The following MEF2A variants were observed in gnomAD, a reference collection of about 807,000 sequenced individuals.
MEF2A encodes myocyte enhancer factor 2A, also known as myocyte-specific enhancer factor 2A.
A neutral mutation model predicts 55.8 loss-of-function variants in MEF2A; 28 were observed. The observed-to-expected ratio is 0.50, with a 90% CI of 0.37 to 0.69. The LOEUF (loss-of-function observed/expected upper bound fraction) is 0.69. Ranked by LOEUF, MEF2A falls within the 30% of genes least tolerant of loss-of-function variation. MEF2A has a pLI of 0.00. For missense variants in MEF2A, 528 were observed against 626.2 expected, an observed-to-expected ratio of 0.84 and a Z score of 1.67; for synonymous variants, 239 against 227.1, an observed-to-expected ratio of 1.05 and a Z score of -0.47.
intron 10 of MEF2A, among the ~76,000 whole-genome samples, chr15:99,709,433 C>T (rs141571176): frequency 1.4e-3 from 216 of 152,248 alleles, no homozygotes; most frequent in Non-Finnish European, 2.3e-3. Context: ...ATCTAGAGGT[C>T]GAAGGAGACT....
intron 4 of MEF2A, among the ~76,000 whole-genome samples, chr15:99,665,118 TTAAC>T (rs1347933370): frequency 6.6e-6 from 1 of 152,210 alleles, no homozygotes; most frequent in Non-Finnish European, 1.5e-5. Context: ...TTTCTATAAG[TTAAC>T]TAATGTCCAT....
In MEF2A at chr15:99,593,344, C is replaced by T. The variant is rs138040000; in HGVS notation, c.-224-5086C>T. On this transcript the variant is annotated intron_variant, in intron 1 of 11. Coordinates refer to ENST00000557942, the MANE Select transcript of MEF2A (RefSeq NM_001319206.4). ...ACACTTTCCCTTTTTCCAGGCCTCACAGTGCGGGGCTGTTCATTGTCTGAT... is the reference window on the plus strand; with the variant it reads ...ACACTTTCCCTTTTTCCAGGCCTCATAGTGCGGGGCTGTTCATTGTCTGAT... 1.8e-3 allele frequency among the ~76,000 whole-genome samples: 267 copies of T among 152,274 alleles called. 1 individual carries two copies. Among genetic ancestry groups the T allele is most frequent in the African/African-American group, 6.0e-3 (248 of 41,562 alleles).
intron 7 of MEF2A, among the ~76,000 whole-genome samples, chr15:99,679,245 G>C (rs111664610): frequency 1.2e-4 from 18 of 152,202 alleles, no homozygotes; most frequent in Admixed American, 3.3e-4. Context: ...AAATGCATTT[G>C]TGCATCACGA....
intron 2 of MEF2A, among the ~76,000 whole-genome samples, chr15:99,608,510 A>G (rs1002013512): frequency 2.0e-5 from 3 of 152,348 alleles, no homozygotes; most frequent in Admixed American, 2.0e-4. Context: ...ACCATGTTTT[A>G]GATTTTTAGA....
intron 1 of MEF2A, among the ~76,000 whole-genome samples, chr15:99,578,809 A>G (rs1051433924): frequency 1.3e-5 from 2 of 152,260 alleles, no homozygotes; most frequent in Admixed American, 6.5e-5. Flanking sequence ...TCACTGACAC[A>G]GTAAAAGAAA....
intron 7 of MEF2A, among the ~76,000 whole-genome samples, chr15:99,688,837 T>C (rs1280462721): frequency 6.6e-6 from 1 of 152,152 alleles, no homozygotes; most frequent in African/African-American, 2.4e-5. Flanking sequence ...CTGATAATCA[T>C]GGAAGAGTTG....
chr15:99,643,827 G>A (rs754100803), intron 3 of MEF2A, among the ~76,000 whole-genome samples: 17 of 152,094 alleles, frequency 1.1e-4, no homozygotes, highest in Non-Finnish European at 2.1e-4. Context: ...TCCTGAGCTC[G>A]TGATTCGCCT....
At chr15:99,613,052 C>G (rs1195531795) in intron 2 of MEF2A, among the ~76,000 whole-genome samples, 1 of 152,146 alleles carries the variant, frequency 6.6e-6, no homozygotes, top group Admixed American at 6.6e-5. Flanking sequence ...GGACTTGATT[C>G]ATTTGTATGA....
intron 2 of MEF2A, among the ~76,000 whole-genome samples, chr15:99,612,829 T>G (rs1183417602): frequency 6.6e-6 from 1 of 152,170 alleles, no homozygotes; most frequent in East Asian, 1.9e-4. Context: ...AGAATGTATG[T>G]TCTCCCTACT....
At chr15:99,573,505 T>C (rs557299973) in intron 1 of MEF2A, among the ~76,000 whole-genome samples, 1 of 152,360 alleles carries the variant, frequency 6.6e-6, no homozygotes, top group African/African-American at 2.4e-5. Flanking sequence ...TTTGCTTTCT[T>C]GCTGGGCACT....
Position 99,711,972 on chromosome 15 carries a change from G to C in MEF2A, c.1137-418G>C, listed in dbSNP as rs568047307. On this transcript the variant is annotated intron_variant, in intron 11 of 11. Transcript: ENST00000557942. ...GGGATGGTGCGACTTGCACCTTAGA[G>C]GTGTTGCGAGGATGAGCGATGTTGT... Among the ~76,000 whole-genome samples the C allele has an allele frequency of 8.5e-4, 130 of 152,328 alleles. 4 individuals are homozygous for C. In the South Asian group the frequency reaches 0.026, roughly 31 times the overall value.
At chr15:99,606,364 G>C (rs1465579577) in intron 2 of MEF2A, among the ~76,000 whole-genome samples, 1 of 151,552 alleles carries the variant, frequency 6.6e-6, no homozygotes, top group African/African-American at 2.4e-5. Flanking sequence ...AAATCAAAAC[G>C]GCAAGTATTA....
chr15:99,706,691 C>G, intron 9 of MEF2A, 38 bp from the exon 10 acceptor site: 2 of 1,602,966 alleles, frequency 1.2e-6, no homozygotes, highest in African/African-American at 1.3e-5. Flanking sequence ...AACATAAATA[C>G]CACATCAGAA....
intron 8 of MEF2A, among the ~76,000 whole-genome samples, chr15:99,697,351 CA>C (rs995287704): frequency 1.7e-4 from 25 of 151,446 alleles, no homozygotes; most frequent in African/African-American, 6.1e-4. Flanking sequence ...AAAGAAATTA[CA>C]AAAAAAACTC....
intron 5 of MEF2A, among the ~76,000 whole-genome samples, chr15:99,674,163 C>T (rs984535622): frequency 2.0e-5 from 3 of 152,050 alleles, no homozygotes; most frequent in Non-Finnish European, 2.9e-5. Flanking sequence ...AGAATATAGA[C>T]ATTAGTATAT....
In MEF2A at chr15:99,645,674, A is replaced by G. The variant is rs200687749; in HGVS notation, c.168A>G (p.Gln56=). The part of the protein sequence containing the change: ...IIFNSSNKLF[Q]YASTDMDKVL... ...TCAACAGCTCTAACAAACTGTTTCA[A>G]TATGCTAGCACTGATATGGACAAAG... The change falls in exon 4 of 12, where the codon CAA becomes CAG. Residue 56 remains glutamine, a synonymous_variant. Transcript: ENST00000557942. 6.0e-4 allele frequency: 962 copies of G among 1,613,710 alleles called. 10 individuals carry two copies. Among genetic ancestry groups the G allele is most frequent in the Admixed American group, 1.4e-3 (87 of 60,020 alleles).
chr15:99,587,848 T>G (rs1402649163), intron 1 of MEF2A, among the ~76,000 whole-genome samples: 1 of 152,142 alleles, frequency 6.6e-6, no homozygotes, highest in Non-Finnish European at 1.5e-5. Flanking sequence ...TTTTTTTTGT[T>G]TTTTACTGTG....
chr15:99,675,816 T>A (rs1018354240), intron 7 of MEF2A, among the ~76,000 whole-genome samples: 1 of 152,154 alleles, frequency 6.6e-6, no homozygotes, highest in Non-Finnish European at 1.5e-5. Flanking sequence ...GGTGGGCAGA[T>A]TGCCTGAGCT....
chr15:99,573,213 T>C (rs1202340290), intron 1 of MEF2A, among the ~76,000 whole-genome samples: 2 of 141,714 alleles, frequency 1.4e-5, no homozygotes, highest in African/African-American at 5.4e-5. Flanking sequence ...GCGTGAACCC[T>C]GGGAGGCGGA....
Sources: gnomAD v4.1 joint callset for allele counts (sites outside exome capture counted in the v4.1 genomes callset) on GRCh38, gnomAD v4.1.1 for gene constraint, MANE v1.5 for transcripts, NCBI Gene and HGNC (gene_info 2026-07-23, HGNC 2026-07-21) for gene names.